Variants in AFG2A observed in about 807,000 individuals in gnomAD.
AFG2A encodes ATPase family gene 2 protein homolog A.
the AFG2A span, among the ~76,000 whole-genome samples, chr4:123,310,711 G>A: frequency 6.6e-6 from 1 of 152,200 alleles, no homozygotes; most frequent in Non-Finnish European, 1.5e-5. Flanking sequence ...TTCAGTGGAT[G>A]TTGATTGACG....
At chr4:123,065,962 T>TA in the AFG2A span, among the ~76,000 whole-genome samples, 1 of 152,054 alleles carries the variant, frequency 6.6e-6, no homozygotes, top group Non-Finnish European at 1.5e-5. Flanking sequence ...CAAATATATT[T>TA]AAAAAAATGA....
chr4:122,950,394 C>T, the AFG2A span, among the ~76,000 whole-genome samples: 1 of 151,120 alleles, frequency 6.6e-6, no homozygotes, highest in Non-Finnish European at 1.5e-5. Flanking sequence ...GACTGGAGCG[C>T]AATGGCGCGA....
the AFG2A span, among the ~76,000 whole-genome samples, chr4:123,292,068 ATTC>A: frequency 6.6e-6 from 1 of 151,988 alleles, no homozygotes; most frequent in African/African-American, 2.4e-5. Flanking sequence ...ATTTCTTTTA[ATTC>A]TTGTTTCATT....
the AFG2A span, among the ~76,000 whole-genome samples, chr4:123,275,561 A>C: frequency 2.0e-5 from 3 of 152,162 alleles, no homozygotes; most frequent in Admixed American, 2.0e-4. Context: ...ACTGCATGTC[A>C]TGGGGGTTTC....
the AFG2A span, among the ~76,000 whole-genome samples, chr4:123,292,361 T>G: frequency 6.6e-6 from 1 of 152,208 alleles, no homozygotes; most frequent in Non-Finnish European, 1.5e-5. Flanking sequence ...TTTTTTTATC[T>G]GGCATTTCAA....
At chr4:123,025,789 T>G in the AFG2A span, among the ~76,000 whole-genome samples, 1 of 152,264 alleles carries the variant, frequency 6.6e-6, no homozygotes, top group South Asian at 2.1e-4. Context: ...TTTTTGACCA[T>G]CAAGCAGCAG....
At chr4:122,987,698 C>T in the AFG2A span, among the ~76,000 whole-genome samples, 2 of 152,178 alleles carry the variant, frequency 1.3e-5, no homozygotes, top group African/African-American at 2.4e-5. Context: ...AGACTCTACT[C>T]TTTAATTTCT....
At chr4:123,016,349 C>T in the AFG2A span, among the ~76,000 whole-genome samples, 1 of 150,604 alleles carries the variant, frequency 6.6e-6, no homozygotes, top group Non-Finnish European at 1.5e-5. Context: ...GGTGGAGGGG[C>T]TCCTCACTTC....
At chr4:122,987,298 A>G in the AFG2A span, among the ~76,000 whole-genome samples, 1 of 152,176 alleles carries the variant, frequency 6.6e-6, no homozygotes, top group South Asian at 2.1e-4. Flanking sequence ...AACAATGCAT[A>G]TAGAATACTT....
At chr4:123,303,842 A>C in the AFG2A span, among the ~76,000 whole-genome samples, 83 of 151,434 alleles carry the variant, frequency 5.5e-4, no homozygotes, top group Middle Eastern at 3.4e-3. Context: ...AATGTCATTA[A>C]GCTTTGAGTG....
the AFG2A span, among the ~76,000 whole-genome samples, chr4:123,288,522 C>T: frequency 6.6e-6 from 1 of 152,184 alleles, no homozygotes. Flanking sequence ...CATGAACAAA[C>T]TTTCTTTCCA....
At chr4:123,007,658 C>CAT in the AFG2A span, among the ~76,000 whole-genome samples, 1,522 of 69,038 alleles carry the variant, frequency 0.022, 53 homozygotes, top group African/African-American at 0.051. Flanking sequence ...CACACACACA[C>CAT]ACACACACAT....
the AFG2A span, among the ~76,000 whole-genome samples, chr4:123,118,326 T>C: frequency 2.1e-5 from 2 of 93,956 alleles, no homozygotes; most frequent in Non-Finnish European, 4.7e-5. Context: ...ATATATTATA[T>C]ATAATATATA....
chr4:122,981,773 G>A, the AFG2A span, among the ~76,000 whole-genome samples: 4 of 151,948 alleles, frequency 2.6e-5, no homozygotes, highest in Middle Eastern at 3.4e-3. Context: ...AAATACTATT[G>A]TAAATGGGAT....
chr4:123,211,192 C>T, the AFG2A span, among the ~76,000 whole-genome samples: 1 of 152,082 alleles, frequency 6.6e-6, no homozygotes, highest in Non-Finnish European at 1.5e-5. Flanking sequence ...TCCTAGTCTC[C>T]GAAGACCATC....
chr4:123,056,102 A>G, the AFG2A span, among the ~76,000 whole-genome samples: 1 of 152,208 alleles, frequency 6.6e-6, no homozygotes, highest in Non-Finnish European at 1.5e-5. Flanking sequence ...CACATCTGAT[A>G]TAGTGTAAAA....
At chr4:123,099,721 T>C in the AFG2A span, among the ~76,000 whole-genome samples, 2 of 151,856 alleles carry the variant, frequency 1.3e-5, no homozygotes. Context: ...AAATACATTT[T>C]CTTCCACTAA....
At chr4:123,028,972 G>GT in the AFG2A span, among the ~76,000 whole-genome samples, 1 of 152,266 alleles carries the variant, frequency 6.6e-6, no homozygotes, top group East Asian at 1.9e-4. Context: ...TTAATTTTAT[G>GT]TAACATTATG....
chr4:123,132,620 A>G, the AFG2A span, among the ~76,000 whole-genome samples: 1 of 132,572 alleles, frequency 7.5e-6, no homozygotes, highest in Admixed American at 7.6e-5. Context: ...ATATATGTGC[A>G]TATATATTTG....
Sources: allele counts gnomAD v4.1 joint callset (sites outside exome capture counted in the v4.1 genomes callset), GRCh38; gene constraint gnomAD v4.1.1; transcripts MANE v1.5; gene names NCBI Gene and HGNC (gene_info 2026-07-23, HGNC 2026-07-21).